The following CMC1 variants were observed in gnomAD, a reference collection of about 807,000 sequenced individuals.
CMC1 encodes C-X9-C motif containing 1.
In CMC1, 14 loss-of-function variants were observed where a neutral mutation model predicts 14.1. The observed-to-expected ratio is 0.99, with a 90% CI of 0.66 to 1.55. The LOEUF (loss-of-function observed/expected upper bound fraction) is 1.55, where lower values mean the gene tolerates loss of function less well. Among genes scored for constraint, CMC1 ranks in the 40% most tolerant of loss-of-function variants. CMC1 has a pLI of 0.00. For missense variants in CMC1, 127 were observed against 123.8 expected (o/e 1.03, Z -0.12); for synonymous variants, 50 against 38.4 (o/e 1.30, Z -1.12).
At chr3:28,318,601 G>A (rs9843464) in intron 3 of CMC1, 72,028 of 151,608 alleles carry the variant, frequency 0.48, 17,564 homozygotes, top group East Asian at 0.81. Context: ...CCTTTTGCTC[G>A]TCCTACAACG....
chr3:28,251,880 A>G (rs552829520), intron 1 of CMC1, among the ~76,000 whole-genome samples: 22 of 152,318 alleles, frequency 1.4e-4, no homozygotes. Flanking sequence ...GTATGCTGTC[A>G]TTTATTACTT....
At chr3:28,319,039 T>G (rs907482338) in intron 3 of CMC1, 2 of 345,510 alleles carry the variant, frequency 5.8e-6, no homozygotes, top group Non-Finnish European at 1.1e-5. Context: ...ACCTATCTAC[T>G]TGGCAGGTTT....
chr3:28,281,711 C>T (rs913034577), intron 2 of CMC1, among the ~76,000 whole-genome samples: 3 of 152,072 alleles, frequency 2.0e-5, no homozygotes, highest in Non-Finnish European at 1.5e-5. Flanking sequence ...CTACATGTTA[C>T]TTTAGAAAAA....
intron 1 of CMC1, among the ~76,000 whole-genome samples, chr3:28,244,706 A>G (rs1352662051): frequency 1.3e-5 from 2 of 151,940 alleles, no homozygotes; most frequent in African/African-American, 4.8e-5. Flanking sequence ...AGCTTGGGCC[A>G]CAGAGTGAGA....
intron 2 of CMC1, among the ~76,000 whole-genome samples, chr3:28,309,989 A>G (rs978400816): frequency 6.8e-6 from 1 of 146,558 alleles, no homozygotes; most frequent in African/African-American, 2.6e-5. Flanking sequence ...ACACACACAC[A>G]CGCTAATAGC....
At chr3:28,259,857 A>ATG (rs34679377) in intron 1 of CMC1, among the ~76,000 whole-genome samples, 5,359 of 99,654 alleles carry the variant, frequency 0.054, 130 homozygotes, top group Non-Finnish European at 0.084. Flanking sequence ...GTGTACTCAT[A>ATG]TGTGTGTGTG....
At chr3:28,258,815 G>C (rs753466619) in intron 1 of CMC1, among the ~76,000 whole-genome samples, 3 of 151,742 alleles carry the variant, frequency 2.0e-5, no homozygotes, top group Non-Finnish European at 4.4e-5. Flanking sequence ...AGTAGAGACA[G>C]GGTTTCACTG....
chr3:28,287,602 G>T (rs1173643603), intron 2 of CMC1, among the ~76,000 whole-genome samples: 1 of 151,808 alleles, frequency 6.6e-6, no homozygotes, highest in Non-Finnish European at 1.5e-5. Context: ...CATGGTTATT[G>T]GTATACTTTA....
chr3:28,319,837 C>G lies in CMC1; in HGVS notation c.*208C>G. 1 of 397,962 alleles carries G rather than the reference C, an allele frequency of 2.5e-6. No homozygotes were observed. The highest frequency in any genetic ancestry group is 4.3e-5 in the Admixed American group (1 of 23,380). The allele number at this position is 397,962 out of a possible 1,614,324, so 24.7% of individuals were successfully genotyped here. A position where few individuals can be genotyped will look rare whatever the true frequency, so the allele number is the denominator to read the frequency against. On this transcript the variant is annotated 3_prime_UTR_variant, in exon 4 of 4. Transcript: ENST00000466830. ...TTGGGATATGGTTTTCCTGGTCATT[C>G]TGGACCTTTTGAAAGTTTTCCCACA...
chr3:28,255,718 T>TACACACACACAC (rs1207556502), intron 1 of CMC1, among the ~76,000 whole-genome samples: 1 of 99,232 alleles, frequency 1.0e-5, no homozygotes, highest in African/African-American at 4.2e-5. Flanking sequence ...TATATACATG[T>TACACACACACAC]ACATACACAC....
intron 3 of CMC1, chr3:28,319,101 A>G: frequency 2.7e-6 from 1 of 367,012 alleles, no homozygotes; most frequent in South Asian, 2.1e-5. Context: ...TGCCTTCTAT[A>G]TGGATTTCTG....
Position 28,322,986 on chromosome 3 carries a change from C to T in CMC1, c.*3357C>T, listed in dbSNP as rs1703234749. 6.6e-6 allele frequency: 1 copy of T among 150,468 alleles called. No homozygotes were observed. Among genetic ancestry groups the T allele is most frequent in the Admixed American group, 6.7e-5 (1 of 14,988 alleles). 9.3% of individuals were successfully genotyped at this position (150,468 alleles called of 1,614,324 possible). ...TTTCCATGTGAAGCCATCTTTATTT[C>T]CTTCTTTATTTCCAAATAATTGGCC... On this transcript the variant is annotated 3_prime_UTR_variant, in exon 4 of 4. Coordinates refer to ENST00000466830, the MANE Select transcript of CMC1 (RefSeq NM_182523.2).
At position 28,323,811 on chromosome 3, in the gene CMC1, G is replaced by T; in HGVS notation, c.*4182G>T. ...ACACCTTAAGTTTACTTATTAATTA[G>T]TATAGTAGCATATTTCAGATTCTTA... On this transcript the variant is annotated 3_prime_UTR_variant, in exon 4 of 4. Coordinates refer to ENST00000466830, the MANE Select transcript of CMC1 (RefSeq NM_182523.2). The T allele has an allele frequency of 7.5e-6, 3 of 398,770 alleles. No individual in the cohort carries two copies. Among genetic ancestry groups the T allele is most frequent in the Non-Finnish European group, 9.0e-6 (2 of 222,848 alleles). 24.7% of individuals were successfully genotyped at this position (398,770 alleles called of 1,614,324 possible).
Position 28,324,066 on chromosome 3 carries a change from AT to A in CMC1, c.*4439del, listed in dbSNP as rs774761931. The A allele has an allele frequency of 4.4e-6, 7 of 1,608,952 alleles. No individual in the cohort carries two copies. The highest frequency in any genetic ancestry group is 5.9e-6 in the Non-Finnish European group (7 of 1,176,628). On this transcript the variant is annotated 3_prime_UTR_variant, in exon 4 of 4. Coordinates refer to ENST00000466830, the MANE Select transcript of CMC1 (RefSeq NM_182523.2). Reference sequence around the variant, plus strand: ...ATTAATTCTTATAAAGGCAGTTCTGATTATGTTGATCCAAGTAATGCAGTGG... The same window carrying A: ...ATTAATTCTTATAAAGGCAGTTCTGATATGTTGATCCAAGTAATGCAGTGG...
intron 2 of CMC1, among the ~76,000 whole-genome samples, chr3:28,266,797 A>G (rs1046879501): frequency 3.9e-5 from 6 of 152,200 alleles, no homozygotes; most frequent in Admixed American, 2.0e-4. Flanking sequence ...TGATTTAAAT[A>G]TAAAATTTAA....
At chr3:28,249,565 G>C (rs1444413305) in intron 1 of CMC1, among the ~76,000 whole-genome samples, 1 of 152,050 alleles carries the variant, frequency 6.6e-6, no homozygotes, top group East Asian at 1.9e-4. Flanking sequence ...TAATTATTTG[G>C]GGAGCCTTAA....
intron 1 of CMC1, among the ~76,000 whole-genome samples, chr3:28,257,562 A>G (rs530108874): frequency 6.6e-6 from 1 of 152,280 alleles, no homozygotes; most frequent in South Asian, 2.1e-4. Flanking sequence ...CTCTGTCGCC[A>G]GGCTGGAGTG....
intron 1 of CMC1, among the ~76,000 whole-genome samples, chr3:28,246,027 T>A (rs945633455): frequency 6.6e-6 from 1 of 152,106 alleles, no homozygotes; most frequent in African/African-American, 2.4e-5. Context: ...GCACTTGAAC[T>A]CCTGGGCTCA....
chr3:28,285,078 G>A (rs1401842877), intron 2 of CMC1, among the ~76,000 whole-genome samples: 2 of 152,156 alleles, frequency 1.3e-5, no homozygotes, highest in Non-Finnish European at 2.9e-5. Context: ...ATTGCTTTGT[G>A]ATTATTGAGA....
Sources: gnomAD v4.1 joint callset for allele counts (sites outside exome capture counted in the v4.1 genomes callset) on GRCh38, gnomAD v4.1.1 for gene constraint, MANE v1.5 for transcripts, NCBI Gene and HGNC (gene_info 2026-07-23, HGNC 2026-07-21) for gene names.